The following RNF182 variants were observed in gnomAD, a reference collection of about 807,000 sequenced individuals.
RNF182 encodes the protein ring finger protein 182.
A neutral mutation model predicts 14.4 loss-of-function variants in RNF182; 15 were observed. That is an observed-to-expected ratio of 1.04 (90% CI 0.70 to 1.60). The LOEUF (loss-of-function observed/expected upper bound fraction) is 1.60, where lower values mean the gene tolerates loss of function less well. Ranked by LOEUF, RNF182 falls within the 40% of genes most tolerant of loss-of-function variation. The pLI, the probability that RNF182 is intolerant of heterozygous loss-of-function variation, is 0.00. For synonymous variants in RNF182, 128 were observed against 122.9 expected (o/e 1.04, Z -0.27); for missense variants, 268 against 294.8 (o/e 0.91, Z 0.67).
At chr6:13,940,296 G>A (rs767490028) in intron 1 of RNF182, among the ~76,000 whole-genome samples, 1 of 152,048 alleles carries the variant, frequency 6.6e-6, no homozygotes, top group African/African-American at 2.4e-5. Flanking sequence ...TTGTCAATAT[G>A]GTAATCACAT....
intron 1 of RNF182, among the ~76,000 whole-genome samples, chr6:13,946,365 A>G (rs973627354): frequency 2.6e-5 from 4 of 152,084 alleles, no homozygotes; most frequent in Admixed American, 2.0e-4. Flanking sequence ...GGGTTTTACC[A>G]TGTTGGACAG....
At chr6:13,963,371 A>T in intron 1 of RNF182, among the ~76,000 whole-genome samples, 1 of 152,236 alleles carries the variant, frequency 6.6e-6, no homozygotes, top group Non-Finnish European at 1.5e-5. Flanking sequence ...AAGAAATAGC[A>T]TGCTATTTTG....
At chr6:13,938,476 T>C (rs1561776872) in intron 1 of RNF182, among the ~76,000 whole-genome samples, 1 of 152,184 alleles carries the variant, frequency 6.6e-6, no homozygotes, top group African/African-American at 2.4e-5. Flanking sequence ...TTATACATCT[T>C]CTTTTAATGT....
At chr6:13,966,466 A>G (rs1436001340) in intron 1 of RNF182, among the ~76,000 whole-genome samples, 3 of 152,166 alleles carry the variant, frequency 2.0e-5, no homozygotes, top group Non-Finnish European at 4.4e-5. Flanking sequence ...AGACTGAGTT[A>G]AAAACCAAAA....
rs533531683 is a variant in RNF182 at position 13,959,240 on chromosome 6, G to A, written c.-366-14970G>A. On this transcript the variant is annotated intron_variant, in intron 1 of 2. Transcript: ENST00000488300. ...TGAGATTAGTATGACATTTCACATT[G>A]AGCAAACAGCCTAAAACATGAAAGA... Among the ~76,000 whole-genome samples, 8 of 152,296 alleles carry A rather than the reference G, an allele frequency of 5.3e-5. No homozygotes were observed. In the South Asian group the frequency reaches 1.7e-3, roughly 32 times the overall value.
chr6:13,959,641 A>G (rs1322067069), intron 1 of RNF182, among the ~76,000 whole-genome samples: 1 of 152,236 alleles, frequency 6.6e-6, no homozygotes, highest in Non-Finnish European at 1.5e-5. Flanking sequence ...CTGGCTTGCC[A>G]ATGGATTGGA....
At chr6:13,964,863 A>T (rs1027700849) in intron 1 of RNF182, among the ~76,000 whole-genome samples, 5 of 152,228 alleles carry the variant, frequency 3.3e-5, no homozygotes, top group African/African-American at 7.2e-5. Context: ...CCTTTGGAGC[A>T]GGAGACCTTG....
chr6:13,938,300 A>C (rs1316959896), intron 1 of RNF182, among the ~76,000 whole-genome samples: 1 of 150,062 alleles, frequency 6.7e-6, no homozygotes, highest in Non-Finnish European at 1.5e-5. Context: ...TACAGGCGTG[A>C]GCCACTGCGC....
rs534604571 is a variant in RNF182, at chr6:13,947,702, G to T, written c.-367+22679G>T. Among the ~76,000 whole-genome samples, 3 of 152,278 alleles carry T rather than the reference G, an allele frequency of 2.0e-5. No individual in the cohort carries two copies. In the South Asian group the frequency reaches 6.2e-4, roughly 32 times the overall value. On this transcript the variant is annotated intron_variant, in intron 1 of 2. Coordinates refer to ENST00000488300, the MANE Select transcript of RNF182 (RefSeq NM_152737.4). ...ATTCTTTACTTGCTACAGGTCAGGA[G>T]CCCTGTACAAGGCTCAAGATATGAG...
At chr6:13,942,737 T>C (rs1472324778) in intron 1 of RNF182, among the ~76,000 whole-genome samples, 1 of 152,238 alleles carries the variant, frequency 6.6e-6, no homozygotes, top group Non-Finnish European at 1.5e-5. Flanking sequence ...TTATATCCTT[T>C]AGACTCTTTC....
intron 1 of RNF182, among the ~76,000 whole-genome samples, chr6:13,969,420 T>G (rs1468538611): frequency 6.6e-6 from 1 of 152,046 alleles, no homozygotes; most frequent in Non-Finnish European, 1.5e-5. Context: ...TCCACACCTT[T>G]GGAGAGAAGG....
At position 13,980,161 on chromosome 6, in the gene RNF182, G is replaced by A. The variant is rs1172173635; in HGVS notation, c.*2298G>A. On this transcript the variant is annotated 3_prime_UTR_variant, in exon 3 of 3. Transcript: ENST00000488300. Reference sequence around the variant, plus strand: ...AAGACTTCAGAACTTTCCAACAAAGGGGACCTAACCCATCACACTTTTAAA... The same window carrying A: ...AAGACTTCAGAACTTTCCAACAAAGAGGACCTAACCCATCACACTTTTAAA... The A allele has an allele frequency of 6.6e-6, 1 of 151,644 alleles. No homozygotes were observed. Among genetic ancestry groups the A allele is most frequent in the Non-Finnish European group, 1.5e-5 (1 of 67,850 alleles). 9.4% of individuals were successfully genotyped at this position (151,644 alleles called of 1,614,324 possible). A position where few individuals can be genotyped will look rare whatever the true frequency, so the allele number is the denominator to read the frequency against.
intron 1 of RNF182, among the ~76,000 whole-genome samples, chr6:13,973,114 T>A (rs904317198): frequency 6.6e-6 from 1 of 152,082 alleles, no homozygotes; most frequent in Non-Finnish European, 1.5e-5. Context: ...AGACATGGAG[T>A]CAAAGATTTG....
Position 13,977,466 on chromosome 6 carries a change from C to T in RNF182, c.347C>T (p.Ala116Val), listed in dbSNP as rs763380918. ...TELLLTPKRL[A>V]SLVSPSHTSS... is the part of the protein sequence containing the mutation. ...CTGCTGCTCACCCCCAAGAGGCTGG[C>T]CTCTCTGGTCAGTCCTTCTCACACG... The change falls in exon 3 of 3, where the codon GCC becomes GTC. Residue 116 changes from alanine to valine, a missense_variant. By Grantham distance (64) the Ala-to-Val change is moderately conservative. Transcript: ENST00000488300. The T allele has an allele frequency of 6.2e-7, 1 of 1,614,180 alleles. No homozygotes were observed.
chr6:13,942,634 C>G (rs1759326932), intron 1 of RNF182, among the ~76,000 whole-genome samples: 1 of 152,122 alleles, frequency 6.6e-6, no homozygotes, highest in African/African-American at 2.4e-5. Context: ...GAGCCACCAC[C>G]CCTGGCCAGT....
chr6:13,955,058 T>TG (rs1212112728), intron 1 of RNF182, among the ~76,000 whole-genome samples: 1 of 152,208 alleles, frequency 6.6e-6, no homozygotes, highest in East Asian at 1.9e-4. Context: ...TGGCAGCCAT[T>TG]GATAATTATT....
In RNF182 at chr6:13,933,226, A is replaced by G. The variant is rs200476602; in HGVS notation, c.-367+8203A>G. On this transcript the variant is annotated intron_variant, in intron 1 of 2. Transcript: ENST00000488300. The stretch of plus-strand genomic sequence containing the variant: ...GCTGTCCAATATGTACTTTTAAGTT[A>G]TGGGTTATATTAAAAAGTAAGAATT... Among the ~76,000 whole-genome samples the G allele has an allele frequency of 3.9e-5, 6 of 152,266 alleles. No individual in the cohort carries two copies. The East Asian group carries it at 9.7e-4, about 25-fold the overall frequency.
chr6:13,938,456 A>G (rs2113592450), intron 1 of RNF182, among the ~76,000 whole-genome samples: 1 of 152,118 alleles, frequency 6.6e-6, no homozygotes, highest in Non-Finnish European at 1.5e-5. Context: ...TTTAATTTTA[A>G]TGAACTCATT....
At chr6:13,960,580 T>C (rs1312955428) in intron 1 of RNF182, among the ~76,000 whole-genome samples, 2 of 152,174 alleles carry the variant, frequency 1.3e-5, no homozygotes, top group Admixed American at 1.3e-4. Context: ...CACAAATGTA[T>C]TGATGAAGGA....
Sources: gnomAD v4.1 joint callset for allele counts (sites outside exome capture counted in the v4.1 genomes callset) on GRCh38, gnomAD v4.1.1 for gene constraint, MANE v1.5 for transcripts, NCBI Gene and HGNC (gene_info 2026-07-23, HGNC 2026-07-21) for gene names.